Variants in TLK2 observed in about 807,000 individuals in gnomAD.
The protein encoded by TLK2 is serine/threonine-protein kinase tousled-like 2.
In TLK2, 6 loss-of-function variants were observed where a neutral mutation model predicts 117.3. The observed-to-expected ratio is 0.05, with a 90% confidence interval of 0.03 to 0.10. The LOEUF (loss-of-function observed/expected upper bound fraction) is 0.10. Among genes scored for constraint, TLK2 ranks in the 10% least tolerant of loss-of-function variants. The pLI, the probability that TLK2 is intolerant of heterozygous loss-of-function variation, is 1.00. For missense variants in TLK2, 299 were observed against 901.2 expected, an observed-to-expected ratio of 0.33 and a Z score of 8.56; for synonymous variants, 257 against 316.7, an observed-to-expected ratio of 0.81 and a Z score of 2.00.
intron 15 of TLK2, among the ~76,000 whole-genome samples, chr17:62,583,438 ACT>A (rs1381403212): frequency 6.6e-6 from 1 of 151,462 alleles, no homozygotes; most frequent in Non-Finnish European, 1.5e-5. Flanking sequence ...TCTCTGTGAG[ACT>A]CTGCTTTCAA....
intron 16 of TLK2, among the ~76,000 whole-genome samples, chr17:62,588,207 T>C (rs751249854): frequency 1.3e-5 from 2 of 152,108 alleles, no homozygotes; most frequent in Admixed American, 6.5e-5. Context: ...GAGACGTATA[T>C]GTATTTTGCC....
chr17:62,524,917 T>A (rs2076273090), intron 6 of TLK2, among the ~76,000 whole-genome samples: 1 of 152,186 alleles, frequency 6.6e-6, no homozygotes, highest in Non-Finnish European at 1.5e-5. Context: ...ACTATAGGCA[T>A]CTACTGGGCA....
chr17:62,579,234 C>A lies in TLK2; in HGVS notation c.1286+660C>A, dbSNP rs7342914. 5.9e-5 allele frequency among the ~76,000 whole-genome samples: 9 copies of A among 152,192 alleles called. No individual in the cohort carries two copies. The East Asian group carries it at 1.5e-3, about 26-fold the overall frequency. ...GGCAGACAACAGCAGGTACCACTTC[C>A]TGAGAGCTCTCTGTGTATCAGGCTT... On this transcript the variant is annotated intron_variant, in intron 14 of 21. Transcript: ENST00000346027.
intron 19 of TLK2, among the ~76,000 whole-genome samples, chr17:62,605,795 A>T (rs1358509820): frequency 1.3e-5 from 2 of 151,260 alleles, no homozygotes; most frequent in Non-Finnish European, 2.9e-5. Flanking sequence ...ACTTGAGTCC[A>T]GGAGTTTGAG....
At chr17:62,544,316 A>G (rs2077747078) in intron 7 of TLK2, among the ~76,000 whole-genome samples, 1 of 152,200 alleles carries the variant, frequency 6.6e-6, no homozygotes, top group Admixed American at 6.5e-5. Context: ...GGCCTCAGGA[A>G]GCTTACAGTC....
At chr17:62,476,379 C>T (rs564347824), upstream of TLK2, among the ~76,000 whole-genome samples, 2 of 151,778 alleles carry the variant, frequency 1.3e-5, no homozygotes, top group African/African-American at 4.8e-5. Flanking sequence ...GTCAGGAGTT[C>T]GAGACCAGTC....
At chr17:62,569,173 C>T (rs1192352312) in intron 11 of TLK2, among the ~76,000 whole-genome samples, 3 of 151,058 alleles carry the variant, frequency 2.0e-5, no homozygotes, top group East Asian at 2.1e-4. Context: ...GGCATGGTGG[C>T]GTGCACCTAT....
chr17:62,584,411 G>A (rs963083996), intron 15 of TLK2, among the ~76,000 whole-genome samples: 9 of 151,964 alleles, frequency 5.9e-5, no homozygotes, highest in Non-Finnish European at 7.4e-5. Context: ...CATCGCGCCC[G>A]GCTTATTTAA....
At chr17:62,562,000 C>CTACT (rs1192530149) in intron 10 of TLK2, among the ~76,000 whole-genome samples, 1 of 152,150 alleles carries the variant, frequency 6.6e-6, no homozygotes, top group Non-Finnish European at 1.5e-5. Flanking sequence ...ATTGTAGTAT[C>CTACT]TACTTACTGA....
chr17:62,570,186 AC>A (rs573707786), intron 11 of TLK2, among the ~76,000 whole-genome samples: 43 of 152,346 alleles, frequency 2.8e-4, no homozygotes, highest in Middle Eastern at 6.8e-3. Context: ...ATCCTGAGGT[AC>A]TAACGACTTT....
At chr17:62,607,984 G>A in intron 20 of TLK2, 57 bp from the exon 21 acceptor site, 1 of 1,453,074 alleles carries the variant, frequency 6.9e-7, no homozygotes. Context: ...GTATTGAATT[G>A]TTTTCTCTAT....
intron 7 of TLK2, among the ~76,000 whole-genome samples, chr17:62,538,033 G>GTTTTTTTTTTTTTTTTTTTTTT (rs57512334): frequency 1.9e-5 from 2 of 106,166 alleles, no homozygotes; most frequent in Non-Finnish European, 3.7e-5. Flanking sequence ...TTAAATCTTT[G>GTTTTTTTTTTTTTTTTTTTTTT]TTTTTTTTTT....
At chr17:62,533,883 G>A (rs1281448066) in intron 6 of TLK2, among the ~76,000 whole-genome samples, 1 of 152,048 alleles carries the variant, frequency 6.6e-6, no homozygotes, top group East Asian at 1.9e-4. Flanking sequence ...TATGATAAAA[G>A]GTAGGAATCT....
At chr17:62,544,003 G>A (rs1567886742) in intron 7 of TLK2, among the ~76,000 whole-genome samples, 1 of 151,996 alleles carries the variant, frequency 6.6e-6, no homozygotes, top group Non-Finnish European at 1.5e-5. Context: ...GTTAATTTTT[G>A]TGTGTGGTAT....
chr17:62,552,479 C>A (rs2078543018), intron 8 of TLK2, 82 bp downstream of exon 8: 7 of 1,590,968 alleles, frequency 4.4e-6, no homozygotes, highest in Non-Finnish European at 6.0e-6. Context: ...TGTCATTCTT[C>A]TCTGACTTCT....
intron 9 of TLK2, among the ~76,000 whole-genome samples, chr17:62,558,790 A>G (rs1458896018): frequency 1.3e-5 from 2 of 152,242 alleles, no homozygotes; most frequent in African/African-American, 4.8e-5. Context: ...TTGGAGACAG[A>G]AGCTGTTTCT....
At chr17:62,534,105 T>C (rs1029330246) in intron 6 of TLK2, among the ~76,000 whole-genome samples, 2 of 152,240 alleles carry the variant, frequency 1.3e-5, no homozygotes, top group African/African-American at 2.4e-5. Context: ...TATGTTTCAC[T>C]ATCCGGTCAA....
At chr17:62,585,025 A>G (rs987699858) in intron 15 of TLK2, among the ~76,000 whole-genome samples, 34 of 152,336 alleles carry the variant, frequency 2.2e-4, no homozygotes, top group African/African-American at 8.2e-4. Context: ...TTTTGTTTGG[A>G]GGGAAATCTT....
In TLK2 at chr17:62,505,407, A is replaced by ATTTTTTTTTTTTTTTTTTTTT. The variant is rs544900638; in HGVS notation, c.82-15360_82-15340dup. On this transcript the variant is annotated intron_variant, in intron 2 of 21. Transcript: ENST00000346027. ...TACAGTCATGCACTACCATACCCAG[A>ATTTTTTTTTTTTTTTTTTTTT]TTTTTTTTTTTTTTTTTTTTTTTTT... Among the ~76,000 whole-genome samples, 22 of 53,768 alleles carry ATTTTTTTTTTTTTTTTTTTTT rather than the reference A, an allele frequency of 4.1e-4. 6 individuals are homozygous for ATTTTTTTTTTTTTTTTTTTTT. Among genetic ancestry groups the ATTTTTTTTTTTTTTTTTTTTT allele is most frequent in the African/African-American group, 1.1e-3 (12 of 10,816 alleles). The allele number at this position is 53,768 out of a possible 152,430, so 35.3% of individuals were successfully genotyped here. A position where few individuals can be genotyped will look rare whatever the true frequency, so the allele number is the denominator to read the frequency against.
Sources: gnomAD v4.1 joint callset for allele counts (sites outside exome capture counted in the v4.1 genomes callset) on GRCh38, gnomAD v4.1.1 for gene constraint, MANE v1.5 for transcripts, NCBI Gene and HGNC (gene_info 2026-07-23, HGNC 2026-07-21) for gene names.